PTPRD: variants seen among roughly 807,000 people sequenced by gnomAD.
The protein encoded by PTPRD is protein tyrosine phosphatase receptor type D, also known as receptor-type tyrosine-protein phosphatase delta.
PTPRD carries 34 observed loss-of-function variants against 214.5 expected under a neutral mutation model. The observed-to-expected ratio is 0.16, with a 90% CI of 0.12 to 0.21. PTPRD has a LOEUF of 0.21. Ranked by LOEUF, PTPRD falls within the 10% of genes least tolerant of loss-of-function variation. The pLI, the probability that PTPRD is intolerant of heterozygous loss-of-function variation, is 1.00. For missense variants in PTPRD, 2,545 were observed against 2,398.7 expected (o/e 1.06, Z -1.27); for synonymous variants, 1,128 against 845.7 (o/e 1.33, Z -5.79).
At chr9:9,014,383 T>A (rs1407003011) in intron 11 of PTPRD, among the ~76,000 whole-genome samples, 1 of 152,094 alleles carries the variant, frequency 6.6e-6, no homozygotes, top group Non-Finnish European at 1.5e-5. Context: ...TTGCTTTTAG[T>A]CATGCCCTTA....
intron 4 of PTPRD, among the ~76,000 whole-genome samples, chr9:9,960,961 C>A (rs1463852497): frequency 6.6e-6 from 1 of 151,866 alleles, no homozygotes; most frequent in African/African-American, 2.4e-5. Flanking sequence ...AACAAATTTA[C>A]AAGAAAAAAA....
At chr9:9,147,623 GT>G in intron 10 of PTPRD, among the ~76,000 whole-genome samples, 1 of 152,042 alleles carries the variant, frequency 6.6e-6, no homozygotes, top group South Asian at 2.1e-4. Flanking sequence ...ATAATTATTT[GT>G]TTACCTATTG....
chr9:10,367,029 T>C, intron 2 of PTPRD, among the ~76,000 whole-genome samples: 1 of 151,998 alleles, frequency 6.6e-6, no homozygotes, highest in East Asian at 1.9e-4. Flanking sequence ...TTGTGTACTT[T>C]TCTGTATACA....
chr9:9,987,546 A>G (rs1298859483), intron 4 of PTPRD, among the ~76,000 whole-genome samples: 1 of 152,130 alleles, frequency 6.6e-6, no homozygotes, highest in African/African-American at 2.4e-5. Context: ...ACAGCACGGG[A>G]AAGACCTGCC....
intron 2 of PTPRD, among the ~76,000 whole-genome samples, chr9:10,358,912 G>C (rs77822668): frequency 0.021 from 3,257 of 152,004 alleles, 126 homozygotes; most frequent in African/African-American, 0.074. Flanking sequence ...ATGGTTGCTG[G>C]TTGGTATACT....
intron 4 of PTPRD, among the ~76,000 whole-genome samples, chr9:10,000,190 T>A (rs962532825): frequency 1.3e-5 from 2 of 152,180 alleles, no homozygotes; most frequent in African/African-American, 4.8e-5. Context: ...TATATTAATG[T>A]TTCTGGTAAT....
intron 3 of PTPRD, among the ~76,000 whole-genome samples, chr9:10,153,062 G>C (rs1286487212): frequency 1.3e-5 from 2 of 152,094 alleles, no homozygotes; most frequent in Admixed American, 6.6e-5. Flanking sequence ...GTTTCCATTA[G>C]ACAGAAGAAA....
intron 39 of PTPRD, among the ~76,000 whole-genome samples, chr9:8,344,699 A>G (rs1855859747): frequency 6.6e-6 from 1 of 152,058 alleles, no homozygotes; most frequent in Non-Finnish European, 1.5e-5. Flanking sequence ...TAAACATTAA[A>G]TAAGTGTTTT....
chr9:10,030,398 A>T (rs2097034835), intron 4 of PTPRD, among the ~76,000 whole-genome samples: 1 of 152,206 alleles, frequency 6.6e-6, no homozygotes, highest in Non-Finnish European at 1.5e-5. Context: ...GTAAGCAGCT[A>T]ATGTGCTATC....
intron 2 of PTPRD, among the ~76,000 whole-genome samples, chr9:10,490,632 T>C (rs2039896288): frequency 6.6e-6 from 1 of 152,146 alleles, no homozygotes; most frequent in South Asian, 2.1e-4. Flanking sequence ...TCAATTTGCT[T>C]TTCAATTTTT....
intron 5 of PTPRD, among the ~76,000 whole-genome samples, chr9:9,894,782 C>T (rs1021942507): frequency 6.6e-6 from 1 of 151,978 alleles, no homozygotes; most frequent in Non-Finnish European, 1.5e-5. Context: ...AACCCTAGTG[C>T]CAGCACAGTA....
intron 7 of PTPRD, among the ~76,000 whole-genome samples, chr9:9,615,144 A>AGG (rs2094778838): frequency 6.6e-6 from 1 of 152,094 alleles, no homozygotes; most frequent in Non-Finnish European, 1.5e-5. Context: ...ACCTGGCAAT[A>AGG]TTTCCACAGA....
At chr9:8,498,248 G>A (rs10758976) in intron 25 of PTPRD, among the ~76,000 whole-genome samples, 44,726 of 151,938 alleles carry the variant, frequency 0.29, 6,605 homozygotes, top group East Asian at 0.33. Flanking sequence ...GAGGCACAGG[G>A]ATATTTATTG....
At chr9:9,835,307 T>G (rs1378097490) in intron 5 of PTPRD, among the ~76,000 whole-genome samples, 1 of 152,092 alleles carries the variant, frequency 6.6e-6, no homozygotes. Context: ...TTTTTTACAT[T>G]TTGGATTCAA....
At chr9:9,578,323 T>A (rs967364713) in intron 7 of PTPRD, among the ~76,000 whole-genome samples, 1 of 152,076 alleles carries the variant, frequency 6.6e-6, no homozygotes, top group Admixed American at 6.6e-5. Flanking sequence ...AGTATTTCTG[T>A]AGATAAATGC....
At chr9:9,973,364 T>A (rs1009497632) in intron 4 of PTPRD, among the ~76,000 whole-genome samples, 1 of 151,576 alleles carries the variant, frequency 6.6e-6, no homozygotes, top group Non-Finnish European at 1.5e-5. Context: ...CCCAGCTACT[T>A]GGAAGGCTGA....
chr9:10,512,016 G>A (rs1272308901), intron 2 of PTPRD, among the ~76,000 whole-genome samples: 6 of 58,934 alleles, frequency 1.0e-4, no homozygotes, highest in Non-Finnish European at 1.8e-4. Context: ...ATATACGTGT[G>A]TGTATATATA....
intron 11 of PTPRD, among the ~76,000 whole-genome samples, chr9:8,759,989 T>C (rs1161439552): frequency 1.3e-5 from 2 of 152,230 alleles, no homozygotes; most frequent in Non-Finnish European, 2.9e-5. Flanking sequence ...TTCTCCCTAC[T>C]AATCAGGAGA....
At chr9:8,905,007 G>C (rs747741418) in intron 11 of PTPRD, among the ~76,000 whole-genome samples, 3 of 152,184 alleles carry the variant, frequency 2.0e-5, no homozygotes, top group East Asian at 1.9e-4. Flanking sequence ...AATAAGGCCA[G>C]AGTTAGAAGA....
Sources: allele counts gnomAD v4.1 joint callset (sites outside exome capture counted in the v4.1 genomes callset), GRCh38; gene constraint gnomAD v4.1.1; transcripts MANE v1.5; gene names NCBI Gene and HGNC (gene_info 2026-07-23, HGNC 2026-07-21).